Variants in ADSS2 observed in about 807,000 individuals in gnomAD.
ADSS2 encodes the protein adenylosuccinate synthetase isozyme 2.
A neutral mutation model predicts 60.0 loss-of-function variants in ADSS2; 30 were observed. That is an observed-to-expected ratio of 0.50 (90% CI 0.37 to 0.68). ADSS2 has a LOEUF of 0.68. Ranked by LOEUF, ADSS2 falls within the 30% of genes least tolerant of loss-of-function variation. ADSS2 has a pLI of 0.00. For missense variants in ADSS2, 373 were observed against 554.8 expected (o/e 0.67, Z 3.29); for synonymous variants, 187 against 193.1 (o/e 0.97, Z 0.26).
At chr1:244,443,824 C>T (rs974055777) in intron 1 of ADSS2, among the ~76,000 whole-genome samples, 6 of 152,160 alleles carry the variant, frequency 3.9e-5, no homozygotes, top group African/African-American at 1.2e-4. Context: ...GGCAGGGAGG[C>T]GGAGTGGCAG....
chr1:244,431,219 A>G (rs1444249767), intron 4 of ADSS2, among the ~76,000 whole-genome samples: 1 of 152,242 alleles, frequency 6.6e-6, no homozygotes, highest in African/African-American at 2.4e-5. Flanking sequence ...CTAACAAACA[A>G]AATATAAATA....
chr1:244,421,030 GAGGGCCACGAGTTACACTGCC>G (rs60871312), intron 7 of ADSS2, among the ~76,000 whole-genome samples: 125,501 of 151,244 alleles, frequency 0.83, 52,350 homozygotes, highest in Middle Eastern at 0.9. Flanking sequence ...AAAATGTGGT[GAGGGCCACGAGTTACACTGCC>G]AGGGCCACGA....
At chr1:244,439,744 GC>G (rs1329268284) in intron 1 of ADSS2, among the ~76,000 whole-genome samples, 1 of 152,162 alleles carries the variant, frequency 6.6e-6, no homozygotes, top group Non-Finnish European at 1.5e-5. Flanking sequence ...AGTCTTTGTG[GC>G]CCAGACTATC....
In ADSS2 at chr1:244,417,204, T is replaced by G. The variant is rs543700891; in HGVS notation, c.1070+424A>C. ...GAGAGGATAAAACAGAGGCAGAGGA[T>G]GATTAACTTGCTCAGCTACACAAGC... On this transcript the variant is annotated intron_variant, in intron 10 of 12. Transcript: ENST00000366535. Among the ~76,000 whole-genome samples the G allele has an allele frequency of 2.6e-5, 4 of 152,300 alleles. No homozygotes were observed. In the South Asian group the frequency reaches 8.3e-4, roughly 32 times the overall value.
chr1:244,412,570 G>T (rs1020556771), intron 11 of ADSS2, among the ~76,000 whole-genome samples: 1 of 152,150 alleles, frequency 6.6e-6, no homozygotes, highest in East Asian at 1.9e-4. Context: ...CGCTATTCAC[G>T]AACTGGAGAA....
intron 1 of ADSS2, among the ~76,000 whole-genome samples, chr1:244,444,720 A>G (rs1665343941): frequency 6.6e-6 from 1 of 152,008 alleles, no homozygotes; most frequent in Non-Finnish European, 1.5e-5. Context: ...CCATCAATAC[A>G]TAGCTAATTT....
chr1:244,434,169 C>T (rs1162221347), intron 3 of ADSS2, among the ~76,000 whole-genome samples: 2 of 149,720 alleles, frequency 1.3e-5, no homozygotes, highest in African/African-American at 4.9e-5. Context: ...ACAGAAAGAC[C>T]CCATCTCTAC....
rs574567390 is a variant in ADSS2 at position 244,435,667 on chromosome 1, T to C, written c.355+1158A>G. Among the ~76,000 whole-genome samples, 7 of 150,484 alleles carry C rather than the reference T, an allele frequency of 4.7e-5. No homozygotes were observed. The South Asian group carries it at 1.5e-3, about 32-fold the overall frequency. On this transcript the variant is annotated intron_variant, in intron 3 of 12. Transcript: ENST00000366535. ...CTTCTCTTCCTCCTCCATCCTCCTCTTCCTCCTCCATCTGTGGTTGTTTAC... is the reference window on the plus strand; with the variant it reads ...CTTCTCTTCCTCCTCCATCCTCCTCCTCCTCCTCCATCTGTGGTTGTTTAC...
chr1:244,432,636 A>G (rs1558275727), intron 3 of ADSS2, 41 bp from the exon 4 acceptor site: 1 of 985,034 alleles, frequency 1.0e-6, no homozygotes, highest in Non-Finnish European at 1.5e-6. Flanking sequence ...AATATTTTGT[A>G]TAGCAGTTTT....
intron 3 of ADSS2, 68 bp from the exon 4 acceptor site, chr1:244,432,663 T>TTC (rs1664976719): frequency 3.8e-6 from 2 of 519,752 alleles, no homozygotes; most frequent in Non-Finnish European, 5.9e-6. Flanking sequence ...TTAATTTCTT[T>TTC]TTTTTTTTTT....
At chr1:244,448,675 A>C (rs985660978) in intron 1 of ADSS2, among the ~76,000 whole-genome samples, 1 of 152,260 alleles carries the variant, frequency 6.6e-6, no homozygotes, top group Non-Finnish European at 1.5e-5. Context: ...ACAGAAAACA[A>C]AGCACAGTAT....
chr1:244,424,060 A>G lies in ADSS2; in HGVS notation c.474T>C (p.Asn158=), dbSNP rs1444896174. ...CAATGCCCTTTTTTGTTGTACCCAAACTTAAAAACAAATCCAAACAAGCTT... is the reference window on the plus strand; with the variant it reads ...CAATGCCCTTTTTTGTTGTACCCAAGCTTAAAAACAAATCCAAACAAGCTT... ...EQQRQEQAGK[N]LGTTKKGIGP... The change falls in exon 6 of 13, where the codon AAT becomes AAC. Residue 158 remains asparagine, a splice_region_variant and synonymous_variant. Coordinates refer to ENST00000366535, the MANE Select transcript of ADSS2 (RefSeq NM_001126.5). 6.2e-7 allele frequency: 1 copy of G among 1,609,314 alleles called. No homozygotes were observed.
chr1:244,428,048 G>A (rs1246037443), intron 4 of ADSS2, among the ~76,000 whole-genome samples: 5 of 152,144 alleles, frequency 3.3e-5, no homozygotes, highest in Non-Finnish European at 5.9e-5. Context: ...GCACTCCTCC[G>A]AGTAACTGAT....
At chr1:244,420,065 TA>T (rs1168462619) in intron 8 of ADSS2, 104 bp downstream of exon 8, 1 of 1,240,002 alleles carries the variant, frequency 8.1e-7, no homozygotes, top group Non-Finnish European at 1.1e-6. Context: ...ATATACAAGC[TA>T]AAAACATTGT....
intron 1 of ADSS2, among the ~76,000 whole-genome samples, chr1:244,443,743 G>A (rs1267386227): frequency 6.6e-6 from 1 of 152,160 alleles, no homozygotes; most frequent in African/African-American, 2.4e-5. Context: ...TATGAAGTAG[G>A]TGGTACTGAC....
chr1:244,451,465 T>C lies in ADSS2; in HGVS notation c.183+170A>G, dbSNP rs1665596565. 6.6e-6 allele frequency among the ~76,000 whole-genome samples: 1 copy of C among 152,058 alleles called. No individual in the cohort carries two copies. The highest frequency in any genetic ancestry group is 1.5e-5 in the Non-Finnish European group (1 of 67,978). On this transcript the variant is annotated intron_variant, in intron 1 of 12. Transcript: ENST00000366535. The surrounding 1 kb of genome is among the most constrained non-coding windows in gnomAD (Gnocchi z 6.6). ...CGCTCCAGGTCAGGGGTCCCCGACC[T>C]CCCGCCATTTCTCCACGTAGCCGCA... is the stretch of plus-strand genomic sequence containing the variant.
intron 4 of ADSS2, among the ~76,000 whole-genome samples, chr1:244,427,193 G>A (rs1423562178): frequency 1.3e-5 from 2 of 152,062 alleles, no homozygotes; most frequent in Non-Finnish European, 2.9e-5. Flanking sequence ...GTATACTAAT[G>A]TAAAGAACTG....
chr1:244,410,332 C>G (rs1216797297), intron 12 of ADSS2, among the ~76,000 whole-genome samples: 1 of 152,166 alleles, frequency 6.6e-6, no homozygotes, highest in African/African-American at 2.4e-5. Context: ...ACACACTTCA[C>G]TTTTTCTTAT....
intron 1 of ADSS2, among the ~76,000 whole-genome samples, chr1:244,449,569 A>G (rs180910638): frequency 1.1e-4 from 16 of 152,366 alleles, no homozygotes; most frequent in Admixed American, 1.0e-3. Flanking sequence ...ACTAGGGCTA[A>G]CCAAATAATA....
Sources: allele counts gnomAD v4.1 joint callset (sites outside exome capture counted in the v4.1 genomes callset), GRCh38; gene constraint gnomAD v4.1.1; non-coding constraint Gnocchi (gnomAD v3.1); transcripts MANE v1.5; gene names NCBI Gene and HGNC (gene_info 2026-07-23, HGNC 2026-07-21).